Variants in PCBD1 observed in about 807,000 individuals in gnomAD.
PCBD1 encodes the protein pterin-4-alpha-carbinolamine dehydratase.
In PCBD1, 16 loss-of-function variants were observed where a neutral mutation model predicts 12.6. The observed-to-expected ratio is 1.27, with a 90% confidence interval of 0.86 to 1.93. PCBD1 has a LOEUF of 1.93. PCBD1 is among the 30% of genes most tolerant of loss of function. The probability of loss-of-function intolerance (pLI) is 0.00; values close to 1 mark genes in which losing one functional copy is unlikely to be tolerated. For synonymous variants in PCBD1, 53 were observed against 50.2 expected, an observed-to-expected ratio of 1.05 and a Z score of -0.23; for missense variants, 86 against 130.1, an observed-to-expected ratio of 0.66 and a Z score of 1.65.
At chr10:70,888,262 G>A (rs1332402917) in intron 1 of PCBD1, 1 of 349,104 alleles carries the variant, frequency 2.9e-6, no homozygotes, top group Non-Finnish European at 5.2e-6. Context: ...CCCGCCCCCG[G>A]AAGGGTCCCG....
In PCBD1 at chr10:70,883,918, C is replaced by G. The variant is rs758469697; in HGVS notation, c.*32G>C. The G allele has an allele frequency of 6.2e-7, 1 of 1,603,562 alleles. No homozygotes were observed. The highest frequency in any genetic ancestry group is 1.1e-5 in the South Asian group (1 of 88,710). ...GGACTCCCAGTTCAGTCACCCCTTC[C>G]CCCGGAAGAATTCAAAGAGGAAGGG... On this transcript the variant is annotated 3_prime_UTR_variant, in exon 4 of 4. Coordinates refer to ENST00000299299, the MANE Select transcript of PCBD1 (RefSeq NM_000281.4).
chr10:70,884,051 G>GA lies in PCBD1; in HGVS notation c.217-4dup. On this transcript the variant is annotated splice_region_variant and splice_polypyrimidine_tract_variant and intron_variant, in intron 3 of 3. Coordinates refer to ENST00000299299, the MANE Select transcript of PCBD1 (RefSeq NM_000281.4). ...TGGGTGCTCAGCGTGATGTGGACCTGAAATGAAACCAGAAATTCTGCTTCC... is the reference window on the plus strand; with the variant it reads ...TGGGTGCTCAGCGTGATGTGGACCTGAAAATGAAACCAGAAATTCTGCTTCC... The GA allele has an allele frequency of 6.2e-7, 1 of 1,613,604 alleles. No homozygotes were observed. The highest frequency in any genetic ancestry group is 8.5e-7 in the Non-Finnish European group (1 of 1,179,820).
chr10:70,884,174 G>T (rs1246258178), intron 3 of PCBD1, 126 bp from the exon 4 acceptor site: 5 of 881,970 alleles, frequency 5.7e-6, no homozygotes, highest in Non-Finnish European at 9.1e-6. Context: ...TCTCTCCTGG[G>T]GACTCCTTCC....
intron 3 of PCBD1, among the ~76,000 whole-genome samples, chr10:70,884,858 C>A (rs1589484532): frequency 6.6e-6 from 1 of 152,160 alleles, no homozygotes. Flanking sequence ...TTCCCACAGC[C>A]TTTCCTTTCT....
chr10:70,883,038 G>A (rs1846523350), downstream of PCBD1, among the ~76,000 whole-genome samples: 1 of 152,166 alleles, frequency 6.6e-6, no homozygotes, highest in African/African-American at 2.4e-5. Context: ...CCTGTAATAT[G>A]GCCCCAGACT....
At chr10:70,888,304 TG>T in intron 1 of PCBD1, 1 of 409,584 alleles carries the variant, frequency 2.4e-6, no homozygotes, top group Non-Finnish European at 4.2e-6. Context: ...AGGGCAGGCC[TG>T]GCCTCCCAAC....
Position 70,885,201 on chromosome 10 carries a change from T to C in PCBD1, c.167A>G (p.Gln56Arg). Residue 56 changes from glutamine to arginine, a missense_variant, in exon 3 of 4, where the codon CAG (glutamine) becomes CGG (arginine). Physicochemically the swap from Gln to Arg is conservative, Grantham distance 43 (BLOSUM62 1). Coordinates refer to ENST00000299299, the MANE Select transcript of PCBD1 (RefSeq NM_000281.4). ...AGGATGGTGGTCCAGTTTCTCAGCC[T>C]GCAGGGCCACTCTTGTCATGAACCC... ...AFGFMTRVAL[Q>R]AEKLDHHPEW... The C allele has an allele frequency of 6.2e-7, 1 of 1,614,124 alleles. No individual in the cohort carries two copies. The highest frequency in any genetic ancestry group is 8.5e-7 in the Non-Finnish European group (1 of 1,179,996).
intron 3 of PCBD1, 78 bp downstream of exon 3, chr10:70,885,073 CA>C: frequency 8.3e-7 from 1 of 1,204,426 alleles, no homozygotes; most frequent in Non-Finnish European, 1.2e-6. Context: ...TTGTTAAGTC[CA>C]AAAGCCTTCA....
intron 1 of PCBD1, among the ~76,000 whole-genome samples, chr10:70,887,057 C>A (rs540747749): frequency 1.3e-5 from 2 of 152,232 alleles, no homozygotes; most frequent in African/African-American, 4.8e-5. Context: ...GACTGGACAC[C>A]ATGTGTTGAT....
intron 3 of PCBD1, among the ~76,000 whole-genome samples, chr10:70,884,951 T>C (rs1036038561): frequency 3.9e-5 from 6 of 152,242 alleles, no homozygotes; most frequent in African/African-American, 9.6e-5. Flanking sequence ...CATTTCTTTA[T>C]AGTAAGACTG....
At chr10:70,887,137 C>T (rs1340065159) in intron 1 of PCBD1, among the ~76,000 whole-genome samples, 1 of 152,160 alleles carries the variant, frequency 6.6e-6, no homozygotes, top group Non-Finnish European at 1.5e-5. Context: ...GGCAGAACCT[C>T]CACCTCCACA....
At position 70,884,021 on chromosome 10, in the gene PCBD1, A is replaced by G. The variant is rs104894177; in HGVS notation, c.244T>C (p.Cys82Arg). Residue 82 changes from cysteine (C) to arginine (R), a missense_variant, in exon 4 of 4, where the codon TGT (cysteine) becomes CGT (arginine). Transcript: ENST00000299299. ...ATGTCCCGTTCTGAAAGGCCGGCAC[A>G]CTCATGGGTGCTCAGCGTGATGTGG... The part of the protein sequence containing the change: ...KVHITLSTHE[C>R]AGLSERDINL... The G allele has an allele frequency of 1.4e-5, 22 of 1,614,078 alleles. No homozygotes were observed. The highest frequency in any genetic ancestry group is 1.9e-5 in the Non-Finnish European group (22 of 1,180,014).
In PCBD1 at chr10:70,885,747, G is replaced by A. The variant is rs750838395; in HGVS notation, c.135+51C>T. On this transcript the variant is annotated intron_variant, in intron 2 of 3. Coordinates refer to ENST00000299299, the MANE Select transcript of PCBD1 (RefSeq NM_000281.4). ...GAAGGGAGAGAACATGCTTTGTAAG[G>A]TGACCCCATCAGCCCGTCTCAGAAA... is the stretch of plus-strand genomic sequence containing the variant. 3.7e-6 allele frequency: 6 copies of A among 1,609,788 alleles called. No individual in the cohort carries two copies. The East Asian group carries it at 6.7e-5, about 18-fold the overall frequency.
In PCBD1 at chr10:70,885,493, C is replaced by T. The variant is rs561966727; in HGVS notation, c.136-261G>A. On this transcript the variant is annotated intron_variant, in intron 2 of 3. Transcript: ENST00000299299. ...GGCTTTTGGCCTGGCCAGTCTTGGC[C>T]GTCTGTTCAAATGTCTTCAGATGTG... Among the ~76,000 whole-genome samples the T allele has an allele frequency of 8.0e-4, 122 of 152,322 alleles. 1 individual carries two copies. The highest frequency in any genetic ancestry group is 2.8e-3 in the African/African-American group (115 of 41,568).
In PCBD1 at chr10:70,883,711, T is replaced by A; in HGVS notation, c.*239A>T. 6 of 1,355,258 alleles carry A rather than the reference T, an allele frequency of 4.4e-6. No homozygotes were observed. Among genetic ancestry groups the A allele is most frequent in the South Asian group, 1.7e-5 (1 of 58,932 alleles). The allele number at this position is 1,355,258 out of a possible 1,614,324, so 84.0% of individuals were successfully genotyped here. A position where few individuals can be genotyped will look rare whatever the true frequency, so the allele number is the denominator to read the frequency against. On this transcript the variant is annotated 3_prime_UTR_variant, in exon 4 of 4. Coordinates refer to ENST00000299299, the MANE Select transcript of PCBD1 (RefSeq NM_000281.4). Reference sequence around the variant, plus strand: ...GGGAAGTTGCAAAGAAAGGGGAGAGTTTATTCAAATTAGTGTAACAGAGCC... The same window carrying A: ...GGGAAGTTGCAAAGAAAGGGGAGAGATTATTCAAATTAGTGTAACAGAGCC...
chr10:70,882,896 G>A (rs1162789881), downstream of PCBD1, among the ~76,000 whole-genome samples: 2 of 152,188 alleles, frequency 1.3e-5, no homozygotes, highest in Non-Finnish European at 2.9e-5. Flanking sequence ...GCATTATACT[G>A]ACAAGTTGAG....
chr10:70,886,077 G>A (rs1201957079), intron 1 of PCBD1, 148 bp from the exon 2 acceptor site: 2 of 1,103,492 alleles, frequency 1.8e-6, no homozygotes, highest in Non-Finnish European at 2.6e-6. Context: ...CAATAGGCTG[G>A]GAGGCCTCAA....
rs76683103 is a variant in PCBD1, at chr10:70,888,213, C to T, written c.3+318G>A. On this transcript the variant is annotated intron_variant, in intron 1 of 3. Coordinates refer to ENST00000299299, the MANE Select transcript of PCBD1 (RefSeq NM_000281.4). ...CCAAGGGGACGAGATCCGTGGACTCCTCCACGACTGTCTTCCCCGGCCCAG... is the reference window on the plus strand; with the variant it reads ...CCAAGGGGACGAGATCCGTGGACTCTTCCACGACTGTCTTCCCCGGCCCAG... 6.7e-3 allele frequency: 2,011 copies of T among 301,492 alleles called. 40 individuals carry two copies. Among genetic ancestry groups the T allele is most frequent in the African/African-American group, 0.041 (1,825 of 44,830 alleles). The allele number at this position is 301,492 out of a possible 1,614,324, so 18.7% of individuals were successfully genotyped here. A position where few individuals can be genotyped will look rare whatever the true frequency, so the allele number is the denominator to read the frequency against.
chr10:70,883,602 C>T lies in PCBD1; in HGVS notation c.*348G>A. The T allele has an allele frequency of 8.4e-7, 1 of 1,196,326 alleles. No individual in the cohort carries two copies. Among genetic ancestry groups the T allele is most frequent in the Non-Finnish European group, 1.1e-6 (1 of 950,238 alleles). 74.1% of individuals were successfully genotyped at this position (1,196,326 alleles called of 1,614,324 possible). On this transcript the variant is annotated 3_prime_UTR_variant, in exon 4 of 4. Coordinates refer to ENST00000299299, the MANE Select transcript of PCBD1 (RefSeq NM_000281.4). ...TAGGGTCCTGGTTTCTAAGACAAGA[C>T]TTTATTTCACCCTGTATCACAGCTT...
Sources: gnomAD v4.1 joint callset for allele counts (sites outside exome capture counted in the v4.1 genomes callset) on GRCh38, gnomAD v4.1.1 for gene constraint, MANE v1.5 for transcripts, NCBI Gene and HGNC (gene_info 2026-07-23, HGNC 2026-07-21) for gene names.